STAB2: variants seen among roughly 807,000 people sequenced by gnomAD.
STAB2 encodes the protein stabilin 2.
STAB2 carries 288 observed loss-of-function variants against 338.1 expected under a neutral mutation model. The ratio of observed to expected loss-of-function variants is 0.85; its 90% CI spans 0.77 to 0.94. STAB2 has a LOEUF of 0.94. STAB2 is among the 40% of genes least tolerant of loss of function. STAB2 has a pLI of 0.00. For missense variants in STAB2, 3,141 were observed against 3,210.1 expected, an observed-to-expected ratio of 0.98 and a Z score of 0.52; for synonymous variants, 1,202 against 1,193.3, an observed-to-expected ratio of 1.01 and a Z score of -0.15.
chr12:103,661,642 C>T (rs1298374678), intron 17 of STAB2, among the ~76,000 whole-genome samples: 1 of 152,160 alleles, frequency 6.6e-6, no homozygotes, highest in Admixed American at 6.5e-5. Flanking sequence ...ATGGAGCTGA[C>T]ATCTTAGATA....
chr12:103,626,056 T>C (rs1957376607), intron 5 of STAB2, among the ~76,000 whole-genome samples: 1 of 152,230 alleles, frequency 6.6e-6, no homozygotes, highest in African/African-American at 2.4e-5. Context: ...CCATTCTAAC[T>C]GGACAATACC....
chr12:103,680,209 A>C (rs1264062092), intron 25 of STAB2, among the ~76,000 whole-genome samples: 1 of 152,234 alleles, frequency 6.6e-6, no homozygotes, highest in Non-Finnish European at 1.5e-5. Flanking sequence ...AAGGATGGTA[A>C]TGATGGTTGT....
chr12:103,724,867 A>C (rs1881056477), intron 44 of STAB2, 108 bp from the exon 45 acceptor site: 1 of 1,547,722 alleles, frequency 6.5e-7, no homozygotes. Flanking sequence ...AATCAAAGAG[A>C]GTGAGACAAA....
intron 19 of STAB2, 141 bp downstream of exon 19, chr12:103,666,494 G>A: frequency 7.3e-6 from 6 of 817,250 alleles, no homozygotes; most frequent in South Asian, 4.7e-5. Flanking sequence ...CTACTATATG[G>A]GGGATGGTAG....
Position 103,712,374 on chromosome 12 carries a change from A to G in STAB2, c.4342A>G (p.Thr1448Ala), listed in dbSNP as rs1879942252. 7 of 1,613,826 alleles carry G rather than the reference A, an allele frequency of 4.3e-6. No individual in the cohort carries two copies. Among genetic ancestry groups the G allele is most frequent in the South Asian group, 1.1e-5 (1 of 91,092 alleles). Residue 1448 changes from threonine to alanine, a missense_variant, in exon 41 of 69, where the codon ACC (threonine) becomes GCC (alanine). Transcript: ENST00000388887. ...TGTCCTTCCTTGTTGCAGCTGCCTC[A>G]CCAACTCAGATGGTACAGCTTCATG... ...GTCHTSANCL[T>A]NSDGTASCKC... is the part of the protein sequence containing the mutation.
chr12:103,634,211 T>G (rs1957508412), intron 6 of STAB2, among the ~76,000 whole-genome samples: 1 of 152,048 alleles, frequency 6.6e-6, no homozygotes, highest in South Asian at 2.1e-4. Flanking sequence ...CCCAAGGTAC[T>G]ACAATCAAAT....
At chr12:103,750,430 C>T (rs529833474) in intron 59 of STAB2, 149 bp from the exon 60 acceptor site, 27 of 906,354 alleles carry the variant, frequency 3.0e-5, no homozygotes, top group African/African-American at 5.0e-5. Flanking sequence ...AAAAGCAGGA[C>T]GTAGCAGTTA....
In STAB2 at chr12:103,699,083, G is replaced by T. The variant is rs368133508; in HGVS notation, c.3583-13G>T. On this transcript the variant is annotated splice_polypyrimidine_tract_variant and intron_variant, in intron 33 of 68. Transcript: ENST00000388887. ...GATCTCTTGACTGACTTCCAATTCT[G>T]TGTGTGATCCAGGAGGAGGACGTCC... 6.0e-5 allele frequency: 96 copies of T among 1,602,552 alleles called. No homozygotes were observed. The highest frequency in any genetic ancestry group is 1.9e-4 in the Middle Eastern group (1 of 5,204).
At chr12:103,686,169 C>T (rs1033900295) in intron 27 of STAB2, among the ~76,000 whole-genome samples, 7 of 152,148 alleles carry the variant, frequency 4.6e-5, no homozygotes, top group Admixed American at 3.3e-4. Flanking sequence ...TGAGTTCCTG[C>T]CCCTCCTCTC....
At chr12:103,678,252 G>A (rs889395399) in intron 25 of STAB2, among the ~76,000 whole-genome samples, 5 of 152,098 alleles carry the variant, frequency 3.3e-5, no homozygotes, top group African/African-American at 1.2e-4. Context: ...TATGTTTTAG[G>A]CTGAACTTTT....
rs149929067 is a variant in STAB2 at position 103,640,208 on chromosome 12, C to A, written c.992C>A (p.Pro331Gln). The A allele has an allele frequency of 5.6e-5, 91 of 1,613,534 alleles. No individual in the cohort carries two copies. The highest frequency in any genetic ancestry group is 1.6e-4 in the Middle Eastern group (1 of 6,080). Residue 331 changes from proline (P) to glutamine (Q), a missense_variant, in exon 9 of 69, where the codon CCG becomes CAG. Pro to Gln is a moderately conservative substitution (Grantham distance 76, BLOSUM62 -1). Transcript: ENST00000388887. ...SMTDICKSDN[P>Q]CHRNANCTTV... ...ACTGATATATGTAAATCAGATAACC[C>A]GTGTCATAGGAATGCAAATTGCACC...
intron 25 of STAB2, among the ~76,000 whole-genome samples, chr12:103,679,601 T>C (rs1341017052): frequency 2.6e-5 from 4 of 152,256 alleles, no homozygotes; most frequent in African/African-American, 9.6e-5. Context: ...GGAGTGACAG[T>C]TGGCAATGGG....
In STAB2 at chr12:103,652,404, G is replaced by A. The variant is rs551760774; in HGVS notation, c.1258-152G>A. 5.0e-4 allele frequency: 294 copies of A among 589,858 alleles called. 2 individuals carry two copies. Among genetic ancestry groups the A allele is most frequent in the South Asian group, 1.5e-3 (50 of 33,656 alleles). The allele number at this position is 589,858 out of a possible 1,614,324, so 36.5% of individuals were successfully genotyped here. On this transcript the variant is annotated intron_variant, in intron 11 of 68. Transcript: ENST00000388887. ...ATGGTAATGTATAGCAAGTATAATT[G>A]TCAGTGCTTTCATGCATTTGTATTT...
At chr12:103,731,752 A>C in intron 50 of STAB2, 117 bp downstream of exon 50, 2 of 990,880 alleles carry the variant, frequency 2.0e-6, no homozygotes, top group Non-Finnish European at 3.0e-6. Flanking sequence ...TGGGATCTGC[A>C]TGGGGAAGTC....
chr12:103,754,762 C>G (rs533755493), intron 61 of STAB2, among the ~76,000 whole-genome samples: 1 of 152,050 alleles, frequency 6.6e-6, no homozygotes, highest in East Asian at 1.9e-4. Flanking sequence ...CCAGCCTGAT[C>G]ATGGAGAAAC....
At position 103,637,093 on chromosome 12, in the gene STAB2, A is replaced by G. The variant is rs775285260; in HGVS notation, c.584-18A>G. 9 of 1,589,490 alleles carry G rather than the reference A, an allele frequency of 5.7e-6. No individual in the cohort carries two copies. The South Asian group carries it at 1.0e-4, about 18-fold the overall frequency. On this transcript the variant is annotated intron_variant, in intron 6 of 68. Transcript: ENST00000388887. ...GTTATTCTACTAATGCAAGTACTTC[A>G]ACAATTTTCCTATGCAGCCATCCCT...
chr12:103,633,401 G>A (rs530333769), intron 6 of STAB2, among the ~76,000 whole-genome samples: 46 of 152,338 alleles, frequency 3.0e-4, no homozygotes, highest in Non-Finnish European at 6.2e-4. Flanking sequence ...AATGAAAACA[G>A]GCCGGGCCTG....
At chr12:103,630,548 G>T (rs1485823962) in intron 5 of STAB2, among the ~76,000 whole-genome samples, 1 of 152,206 alleles carries the variant, frequency 6.6e-6, no homozygotes, top group Non-Finnish European at 1.5e-5. Flanking sequence ...TAGAATTAAG[G>T]TTGCTAACTG....
intron 64 of STAB2, among the ~76,000 whole-genome samples, chr12:103,758,706 G>A (rs985282770): frequency 6.6e-6 from 1 of 152,252 alleles, no homozygotes; most frequent in African/African-American, 2.4e-5. Flanking sequence ...GGGGTGCAGG[G>A]AGTGGGGAAG....
Sources: allele counts gnomAD v4.1 joint callset (sites outside exome capture counted in the v4.1 genomes callset), GRCh38; gene constraint gnomAD v4.1.1; transcripts MANE v1.5; gene names NCBI Gene and HGNC (gene_info 2026-07-23, HGNC 2026-07-21).